Variants in PUM1 observed in about 807,000 individuals in gnomAD.
PUM1 encodes the protein pumilio RNA binding family member 1.
Under a neutral mutation model 131.8 loss-of-function variants are expected in PUM1, and 13 were observed. That is an observed-to-expected ratio of 0.10 (90% CI 0.06 to 0.16). PUM1 has a LOEUF of 0.16. PUM1 is among the 10% of genes least tolerant of loss of function. The pLI, the probability that PUM1 is intolerant of heterozygous loss-of-function variation, is 1.00. For synonymous variants in PUM1, 509 were observed against 556.5 expected (o/e 0.91, Z 1.20); for missense variants, 961 against 1,512.4 (o/e 0.64, Z 6.05).
chr1:31,025,621 T>C (rs918144177), intron 3 of PUM1, among the ~76,000 whole-genome samples: 9 of 145,810 alleles, frequency 6.2e-5, no homozygotes, highest in African/African-American at 2.2e-4. Flanking sequence ...AGTGGCACTA[T>C]CTGGGCTCAG....
chr1:30,955,610 G>A (rs1331911432), intron 14 of PUM1, among the ~76,000 whole-genome samples: 1 of 152,160 alleles, frequency 6.6e-6, no homozygotes, highest in Admixed American at 6.5e-5. Context: ...AAAGGCCAAA[G>A]GAGGTAAGAA....
At chr1:30,975,160 A>C (rs1177784503) in intron 9 of PUM1, among the ~76,000 whole-genome samples, 13 of 152,190 alleles carry the variant, frequency 8.5e-5, no homozygotes, top group Non-Finnish European at 1.9e-4. Context: ...TTGCGTGCTT[A>C]AAGTGATGGA....
chr1:30,995,019 C>T, intron 6 of PUM1, 35 bp downstream of exon 6: 1 of 1,589,284 alleles, frequency 6.3e-7, no homozygotes, highest in Non-Finnish European at 8.6e-7. Flanking sequence ...TCCCATAGCC[C>T]ATATTCAAAA....
Position 30,966,277 on chromosome 1 carries a change from A to G in PUM1, c.1791T>C (p.Ala597=), listed in dbSNP as rs1433272300. The change falls in exon 13 of 22, where the codon GCT becomes GCC. Residue 597 remains alanine (A), a splice_region_variant and synonymous_variant. Transcript: ENST00000426105. The stretch of plus-strand genomic sequence containing the variant: ...TTGCTGAAGCTGCGGCTGCTGCAAC[A>G]GCTATGAAGAAGAAAGCAAACCGTT... The part of the protein sequence containing the change: ...VIISSSAAQA[A]VAAAAASANG... The G allele has an allele frequency of 6.3e-7, 1 of 1,585,288 alleles. No individual in the cohort carries two copies. Among genetic ancestry groups the G allele is most frequent in the African/African-American group, 1.3e-5 (1 of 74,260 alleles).
chr1:31,009,017 CAA>C (rs57893493), intron 3 of PUM1, among the ~76,000 whole-genome samples: 5 of 121,780 alleles, frequency 4.1e-5, no homozygotes, highest in Non-Finnish European at 3.6e-5. Context: ...ACTAAAAATA[CAA>C]AAAAAAAAAA....
At chr1:30,987,696 C>T (rs576253425) in intron 7 of PUM1, among the ~76,000 whole-genome samples, 5 of 152,286 alleles carry the variant, frequency 3.3e-5, no homozygotes, top group South Asian at 2.1e-4. Context: ...GAAATAACAA[C>T]GAGCATTTCA....
At chr1:31,022,469 C>T (rs1484574424) in intron 3 of PUM1, among the ~76,000 whole-genome samples, 1 of 152,210 alleles carries the variant, frequency 6.6e-6, no homozygotes, top group African/African-American at 2.4e-5. Context: ...TCCTGGTCTT[C>T]CCAGTGCAGG....
At chr1:31,027,509 T>C (rs889912835) in intron 3 of PUM1, among the ~76,000 whole-genome samples, 5 of 152,154 alleles carry the variant, frequency 3.3e-5, no homozygotes, top group Non-Finnish European at 5.9e-5. Context: ...TCAGTGACAT[T>C]AGGCAGGCAC....
rs1644464860 is a variant in PUM1 at position 31,065,523 on chromosome 1, C to A, written c.-12+93G>T. 5 of 1,442,668 alleles carry A rather than the reference C, an allele frequency of 3.5e-6. No homozygotes were observed. In the South Asian group the frequency reaches 5.3e-5, roughly 15 times the overall value. 89.4% of individuals were successfully genotyped at this position (1,442,668 alleles called of 1,614,324 possible). ...CGGCTTTTCCAAAGCCCTTCTCACC[C>A]CCACAACCACTCTCAAACACCAATA... On this transcript the variant is annotated intron_variant, in intron 1 of 21. Coordinates refer to ENST00000426105, the MANE Select transcript of PUM1 (RefSeq NM_001020658.2).
chr1:30,956,157 G>C (rs1186516222), intron 14 of PUM1, among the ~76,000 whole-genome samples: 1 of 152,106 alleles, frequency 6.6e-6, no homozygotes, highest in Non-Finnish European at 1.5e-5. Context: ...GAACATTCTT[G>C]TCAAATTCCA....
At chr1:31,055,366 G>A (rs1412088959) in intron 2 of PUM1, 1 of 456,064 alleles carries the variant, frequency 2.2e-6, no homozygotes, top group Non-Finnish European at 4.4e-6. Flanking sequence ...CAACACGAAA[G>A]TTTCATAATA....
intron 3 of PUM1, among the ~76,000 whole-genome samples, chr1:31,009,800 C>CAAAAACAAAAAA (rs1642541674): frequency 7.5e-6 from 1 of 132,698 alleles, no homozygotes; most frequent in Non-Finnish European, 1.7e-5. Flanking sequence ...AAAACAGAAA[C>CAAAAACAAAAAA]AAAAAAAAAC....
Position 31,038,658 on chromosome 1 carries a change from T to C in PUM1, c.364-9794A>G, listed in dbSNP as rs910271740. ...AGAGCTAGGTTCTTTAAGATGATTC[T>C]TATCCTTCTTTAAAACACGCATACA... On this transcript the variant is annotated intron_variant, in intron 2 of 21. Coordinates refer to ENST00000426105, the MANE Select transcript of PUM1 (RefSeq NM_001020658.2). Among the ~76,000 whole-genome samples the C allele has an allele frequency of 2.0e-5, 3 of 152,094 alleles. No individual in the cohort carries two copies. In the South Asian group the frequency reaches 6.2e-4, roughly 32 times the overall value.
rs570527441 is a variant in PUM1 at position 31,045,314 on chromosome 1, T to C, written c.363+13890A>G. Among the ~76,000 whole-genome samples, 33 of 152,008 alleles carry C rather than the reference T, an allele frequency of 2.2e-4. 1 individual carries two copies. In the East Asian group the frequency reaches 5.8e-3, roughly 27 times the overall value. On this transcript the variant is annotated intron_variant, in intron 2 of 21. Transcript: ENST00000426105. Reference sequence around the variant, plus strand: ...ACACCCGGCTAATTTTTTTCTGTATTTTCAGTAGAGACAGGGTTTCACCAT... The same window carrying C: ...ACACCCGGCTAATTTTTTTCTGTATCTTCAGTAGAGACAGGGTTTCACCAT...
chr1:31,059,429 C>A lies in PUM1; in HGVS notation c.138G>T (p.Ala46=), dbSNP rs745416506. The stretch of plus-strand genomic sequence containing the variant: ...CCTGATTTGCAGCTGGTTGTGGCTG[C>A]GCTTGCGACCCTGTTCCAGATGTCA... ...VVLTSGTGSQ[A]QPQPAANQAL... is the part of the protein sequence containing the mutation. The change falls in exon 2 of 22, where the codon GCG becomes GCT. Residue 46 remains alanine, a synonymous_variant. Coordinates refer to ENST00000426105, the MANE Select transcript of PUM1 (RefSeq NM_001020658.2). 2 of 1,613,996 alleles carry A rather than the reference C, an allele frequency of 1.2e-6. No individual in the cohort carries two copies. Among genetic ancestry groups the A allele is most frequent in the South Asian group, 2.2e-5 (2 of 91,090 alleles).
At chr1:31,032,998 C>T (rs1246460261) in intron 2 of PUM1, among the ~76,000 whole-genome samples, 1 of 150,732 alleles carries the variant, frequency 6.6e-6, no homozygotes, top group East Asian at 1.9e-4. Flanking sequence ...CTCAGCCACT[C>T]GGGAGGCCGA....
chr1:30,933,197 C>A lies in PUM1; in HGVS notation c.*14G>T, dbSNP rs773170081. On this transcript the variant is annotated 3_prime_UTR_variant, in exon 22 of 22. Coordinates refer to ENST00000426105, the MANE Select transcript of PUM1 (RefSeq NM_001020658.2). ...GAGGTCAGCGGGAATGAGGGAACAGCGGGTGACACTGCCTCAGATGATACC... is the reference window on the plus strand; with the variant it reads ...GAGGTCAGCGGGAATGAGGGAACAGAGGGTGACACTGCCTCAGATGATACC... 6.2e-7 allele frequency: 1 copy of A among 1,601,176 alleles called. No homozygotes were observed. Among genetic ancestry groups the A allele is most frequent in the Non-Finnish European group, 8.5e-7 (1 of 1,173,730 alleles).
At chr1:30,968,315 T>C (rs1220974211) in intron 11 of PUM1, 39 bp downstream of exon 11, 1 of 1,588,962 alleles carries the variant, frequency 6.3e-7, no homozygotes, top group Non-Finnish European at 8.6e-7. Flanking sequence ...TGCAGCCTTT[T>C]TCCCTGCCAA....
chr1:31,044,101 T>C (rs1461430801), intron 2 of PUM1, among the ~76,000 whole-genome samples: 1 of 151,964 alleles, frequency 6.6e-6, no homozygotes, highest in Non-Finnish European at 1.5e-5. Context: ...AATGAAATAT[T>C]ATACAAAAAT....
Sources: gnomAD v4.1 joint callset for allele counts (sites outside exome capture counted in the v4.1 genomes callset) on GRCh38, gnomAD v4.1.1 for gene constraint, MANE v1.5 for transcripts, NCBI Gene and HGNC (gene_info 2026-07-23, HGNC 2026-07-21) for gene names.